SCARA5: variants seen among roughly 807,000 people sequenced by gnomAD.
SCARA5 encodes scavenger receptor class A member 5, also known as scavenger receptor class A, member 5 (putative).
SCARA5 carries 45 observed loss-of-function variants against 46.3 expected under a neutral mutation model. That is an observed-to-expected ratio of 0.97 (90% CI 0.76 to 1.24). The LOEUF (loss-of-function observed/expected upper bound fraction) is 1.24. Among genes scored for constraint, SCARA5 ranks in the 50% most tolerant of loss-of-function variants. SCARA5 has a pLI of 0.00. For missense variants in SCARA5, 680 were observed against 689.0 expected, an observed-to-expected ratio of 0.99 and a Z score of 0.15; for synonymous variants, 333 against 306.5, an observed-to-expected ratio of 1.09 and a Z score of -0.90.
chr8:27,902,385 C>T (rs372693207), intron 7 of SCARA5, among the ~76,000 whole-genome samples: 7 of 152,146 alleles, frequency 4.6e-5, no homozygotes, highest in Non-Finnish European at 1.0e-4. Context: ...CTCCCTGCAC[C>T]GTAGCTCTGG....
chr8:27,935,946 T>A (rs1310471560), intron 3 of SCARA5, among the ~76,000 whole-genome samples: 1 of 151,944 alleles, frequency 6.6e-6, no homozygotes, highest in Non-Finnish European at 1.5e-5. Flanking sequence ...CCCTTTTTAT[T>A]TTTCCTTTTT....
intron 2 of SCARA5, 66 bp from the exon 3 acceptor site, chr8:27,966,608 T>C: frequency 6.6e-7 from 1 of 1,508,642 alleles, no homozygotes; most frequent in Non-Finnish European, 8.9e-7. Context: ...CTCTTTTCTT[T>C]TTTGGTCTCA....
intron 7 of SCARA5, 130 bp from the exon 8 acceptor site, chr8:27,879,896 C>T (rs915140494): frequency 2.4e-6 from 2 of 825,624 alleles, no homozygotes; most frequent in Non-Finnish European, 3.8e-6. Flanking sequence ...ATCAAGACTT[C>T]AGCCCCCAAA....
Position 27,880,857 on chromosome 8 carries a change from G to GAAAAAAAAA in SCARA5, c.1154-1100_1154-1092dup, listed in dbSNP as rs71222524. ...ATGACAAAGCAAGACCCTGTCTAAG[G>GAAAAAAAAA]AAAAAAAAAAAAAAAAAAAGTGGGC... On this transcript the variant is annotated intron_variant, in intron 7 of 8. Transcript: ENST00000354914. Among the ~76,000 whole-genome samples the GAAAAAAAAA allele has an allele frequency of 3.2e-5, 3 of 94,818 alleles. 1 individual carries two copies. The highest frequency in any genetic ancestry group is 5.7e-5 in the Non-Finnish European group (3 of 52,740). The allele number at this position is 94,818 out of a possible 152,430, so 62.2% of individuals were successfully genotyped here. A position where few individuals can be genotyped will look rare whatever the true frequency, so the allele number is the denominator to read the frequency against.
intron 7 of SCARA5, among the ~76,000 whole-genome samples, chr8:27,902,746 C>A (rs1422276062): frequency 6.6e-6 from 1 of 152,086 alleles, no homozygotes; most frequent in Non-Finnish European, 1.5e-5. Context: ...AAAAACAGCA[C>A]CCCGAAGACA....
intron 2 of SCARA5, among the ~76,000 whole-genome samples, chr8:27,977,794 C>A (rs1251960875): frequency 6.6e-6 from 1 of 152,256 alleles, no homozygotes; most frequent in Non-Finnish European, 1.5e-5. Flanking sequence ...CTAATTCCAG[C>A]CTCCCTGGCC....
intron 2 of SCARA5, among the ~76,000 whole-genome samples, chr8:27,986,771 C>T (rs1808711488): frequency 6.6e-6 from 1 of 152,222 alleles, no homozygotes; most frequent in Admixed American, 6.5e-5. Context: ...AAAGGCCTGT[C>T]TCTCCTTGGC....
chr8:27,893,880 G>C (rs537691431), intron 7 of SCARA5, among the ~76,000 whole-genome samples: 1 of 152,324 alleles, frequency 6.6e-6, no homozygotes, highest in Non-Finnish European at 1.5e-5. Flanking sequence ...CGCCCCCAGC[G>C]GGTTTAGGAG....
chr8:27,962,916 T>C (rs1314226987), intron 3 of SCARA5, among the ~76,000 whole-genome samples: 2 of 152,236 alleles, frequency 1.3e-5, no homozygotes, highest in Non-Finnish European at 2.9e-5. Context: ...TTGAGGATGA[T>C]GATGACAACG....
chr8:27,916,341 ATATG>A (rs937289698), intron 4 of SCARA5, among the ~76,000 whole-genome samples: 17 of 152,338 alleles, frequency 1.1e-4, no homozygotes, highest in African/African-American at 3.4e-4. Context: ...ATATGTGTTC[ATATG>A]TATGTATATA....
chr8:27,904,694 A>C (rs182687316), intron 7 of SCARA5, 84 bp downstream of exon 7: 1 of 1,250,534 alleles, frequency 8.0e-7, no homozygotes, highest in Non-Finnish European at 1.2e-6. Context: ...CCAGCCTCTG[A>C]ACCTCCAAAC....
chr8:27,984,927 C>CCATTCATCCATCCATT (rs1306685528), intron 2 of SCARA5, among the ~76,000 whole-genome samples: 1 of 150,762 alleles, frequency 6.6e-6, no homozygotes, highest in Non-Finnish European at 1.5e-5. Context: ...ATCCATTCAC[C>CCATTCATCCATCCATT]CATTCATCCA....
intron 7 of SCARA5, among the ~76,000 whole-genome samples, chr8:27,897,828 C>T (rs1411374206): frequency 6.6e-6 from 1 of 152,274 alleles, no homozygotes; most frequent in African/African-American, 2.4e-5. Flanking sequence ...ATAAACTCCA[C>T]AGTGCCTTGT....
intron 7 of SCARA5, among the ~76,000 whole-genome samples, chr8:27,882,089 G>A (rs78298258): frequency 3.9e-5 from 6 of 152,156 alleles, no homozygotes; most frequent in Non-Finnish European, 7.4e-5. Context: ...CACTTTCTCC[G>A]TAGTTTTGCC....
intron 5 of SCARA5, among the ~76,000 whole-genome samples, chr8:27,908,102 G>A (rs990800549): frequency 4.9e-5 from 7 of 143,628 alleles, no homozygotes; most frequent in East Asian, 2.1e-4. Context: ...GTTCATGGTC[G>A]GTCAGCATCG....
intron 7 of SCARA5, among the ~76,000 whole-genome samples, chr8:27,883,866 G>A (rs926215600): frequency 6.6e-6 from 1 of 152,152 alleles, no homozygotes; most frequent in Non-Finnish European, 1.5e-5. Flanking sequence ...TAATAAGCGC[G>A]GCACTCCTGG....
intron 3 of SCARA5, among the ~76,000 whole-genome samples, chr8:27,934,076 T>A (rs1313156798): frequency 6.6e-6 from 1 of 152,198 alleles, no homozygotes; most frequent in Non-Finnish European, 1.5e-5. Flanking sequence ...ATGAACTCTC[T>A]GGGAAAGGGC....
intron 2 of SCARA5, among the ~76,000 whole-genome samples, chr8:27,971,396 A>G (rs1247642291): frequency 6.6e-6 from 1 of 152,250 alleles, no homozygotes; most frequent in Non-Finnish European, 1.5e-5. Context: ...TTCAGAGTCC[A>G]ATGTACAGGA....
At chr8:27,984,528 C>T (rs1356877586) in intron 2 of SCARA5, among the ~76,000 whole-genome samples, 1 of 151,116 alleles carries the variant, frequency 6.6e-6, no homozygotes, top group African/African-American at 2.4e-5. Context: ...ATTCATCCAT[C>T]TATCCATTCA....
Sources: gnomAD v4.1 joint callset for allele counts (sites outside exome capture counted in the v4.1 genomes callset) on GRCh38, gnomAD v4.1.1 for gene constraint, MANE v1.5 for transcripts, NCBI Gene and HGNC (gene_info 2026-07-23, HGNC 2026-07-21) for gene names.